The following CPNE8 variants were observed in gnomAD, a reference collection of about 807,000 sequenced individuals.
CPNE8 encodes copine 8, also known as copine-8.
In CPNE8, 45 loss-of-function variants were observed where a neutral mutation model predicts 81.5. That is an observed-to-expected ratio of 0.55 (90% CI 0.44 to 0.71). The LOEUF (loss-of-function observed/expected upper bound fraction) is 0.71. Ranked by LOEUF, CPNE8 falls within the 30% of genes least tolerant of loss-of-function variation. The probability of loss-of-function intolerance (pLI) is 0.00; values close to 1 mark genes in which losing one functional copy is unlikely to be tolerated. For synonymous variants in CPNE8, 252 were observed against 226.3 expected (o/e 1.11, Z -1.02); for missense variants, 594 against 672.1 (o/e 0.88, Z 1.28).
intron 6 of CPNE8, among the ~76,000 whole-genome samples, chr12:38,786,711 G>T (rs1942195932): frequency 6.6e-6 from 1 of 152,126 alleles, no homozygotes; most frequent in African/African-American, 2.4e-5. Flanking sequence ...AGACAAAATA[G>T]GTTTCAAGAC....
chr12:38,874,103 A>G (rs1382541772), intron 2 of CPNE8, among the ~76,000 whole-genome samples: 1 of 151,090 alleles, frequency 6.6e-6, no homozygotes, highest in Non-Finnish European at 1.5e-5. Context: ...CCCGACCACC[A>G]CTTTCATTTA....
At chr12:38,855,829 C>A (rs375904077) in intron 3 of CPNE8, among the ~76,000 whole-genome samples, 12 of 151,868 alleles carry the variant, frequency 7.9e-5, no homozygotes, top group African/African-American at 2.7e-4. Context: ...CATTGTATCC[C>A]ATAAATATAT....
intron 13 of CPNE8, among the ~76,000 whole-genome samples, chr12:38,717,104 G>A (rs1358515827): frequency 2.0e-5 from 3 of 151,934 alleles, no homozygotes; most frequent in Admixed American, 2.0e-4. Context: ...CCTTATTCCT[G>A]CAAGAACAGC....
At chr12:38,710,716 T>C (rs942830391) in intron 13 of CPNE8, among the ~76,000 whole-genome samples, 2 of 152,156 alleles carry the variant, frequency 1.3e-5, no homozygotes, top group African/African-American at 2.4e-5. Context: ...CTTCCCATAA[T>C]GTGGGTTAGT....
At chr12:38,837,297 G>A (rs899247899) in intron 5 of CPNE8, among the ~76,000 whole-genome samples, 4 of 152,094 alleles carry the variant, frequency 2.6e-5, no homozygotes, top group African/African-American at 9.7e-5. Context: ...CTGTGTTGAT[G>A]AATTATTCTC....
chr12:38,831,856 G>A (rs1034102114), intron 5 of CPNE8, among the ~76,000 whole-genome samples: 3 of 152,160 alleles, frequency 2.0e-5, no homozygotes, highest in Non-Finnish European at 4.4e-5. Context: ...TCTTTTCTAA[G>A]GATAGTTATG....
intron 1 of CPNE8, among the ~76,000 whole-genome samples, chr12:38,884,403 T>G (rs1278176098): frequency 6.6e-6 from 1 of 152,216 alleles, no homozygotes; most frequent in Non-Finnish European, 1.5e-5. Context: ...CCAAATCATA[T>G]TCTATTGTAT....
intron 3 of CPNE8, among the ~76,000 whole-genome samples, chr12:38,854,438 C>T (rs1943696640): frequency 1.7e-5 from 2 of 117,176 alleles, no homozygotes; most frequent in South Asian, 5.2e-4. Flanking sequence ...ACTAACACAC[C>T]CTGATACCAA....
chr12:38,683,124 G>GT lies in CPNE8; in HGVS notation c.1271+2365dup, dbSNP rs762598318. Among the ~76,000 whole-genome samples, 27 of 152,148 alleles carry GT rather than the reference G, an allele frequency of 1.8e-4. No individual in the cohort carries two copies. In the East Asian group the frequency reaches 3.3e-3, roughly 19 times the overall value. ...TTACCTCATTAATATTACCTAAAAAGTCAAACAGATCAGAGATACATAGAT... is the reference window on the plus strand; with the variant it reads ...TTACCTCATTAATATTACCTAAAAAGTTCAAACAGATCAGAGATACATAGAT... On this transcript the variant is annotated intron_variant, in intron 16 of 19. Coordinates refer to ENST00000331366, the MANE Select transcript of CPNE8 (RefSeq NM_153634.3).
At chr12:38,794,197 T>G (rs922586091) in intron 6 of CPNE8, among the ~76,000 whole-genome samples, 1 of 152,002 alleles carries the variant, frequency 6.6e-6, no homozygotes, top group Non-Finnish European at 1.5e-5. Flanking sequence ...AATAGACAAA[T>G]GGGGCCTGCA....
chr12:38,674,961 A>T (rs923200), intron 18 of CPNE8, among the ~76,000 whole-genome samples: 1 of 152,034 alleles, frequency 6.6e-6, no homozygotes, highest in Non-Finnish European at 1.5e-5. Flanking sequence ...CACCTGAACC[A>T]GGTGAATATT....
intron 15 of CPNE8, among the ~76,000 whole-genome samples, chr12:38,690,393 A>G (rs576726029): frequency 6.6e-6 from 1 of 152,292 alleles, no homozygotes; most frequent in Non-Finnish European, 1.5e-5. Context: ...ATCCAACAAA[A>G]CAGAAGTGCT....
chr12:38,769,154 C>T (rs922398550), intron 7 of CPNE8, among the ~76,000 whole-genome samples: 2 of 152,162 alleles, frequency 1.3e-5, no homozygotes, highest in Non-Finnish European at 2.9e-5. Context: ...ATGAACAAGG[C>T]AGTATCTACC....
chr12:38,850,958 G>A (rs1278571192), intron 3 of CPNE8, among the ~76,000 whole-genome samples: 1 of 152,190 alleles, frequency 6.6e-6, no homozygotes, highest in African/African-American at 2.4e-5. Flanking sequence ...ATTAGGCCAT[G>A]AGGGCACCTT....
chr12:38,875,592 T>C (rs1944054301), intron 1 of CPNE8, among the ~76,000 whole-genome samples: 1 of 152,202 alleles, frequency 6.6e-6, no homozygotes, highest in Non-Finnish European at 1.5e-5. Context: ...AGTCCCTTTT[T>C]CATATAAATC....
At chr12:38,675,033 C>T (rs950079163) in intron 18 of CPNE8, among the ~76,000 whole-genome samples, 3 of 152,188 alleles carry the variant, frequency 2.0e-5, no homozygotes, top group African/African-American at 4.8e-5. Flanking sequence ...CAGATGACTA[C>T]GAACATTTAC....
intron 10 of CPNE8, among the ~76,000 whole-genome samples, chr12:38,755,933 G>C (rs1401661732): frequency 2.0e-5 from 3 of 149,650 alleles, no homozygotes; most frequent in Non-Finnish European, 3.0e-5. Flanking sequence ...CCAGCTACTC[G>C]GGAGGCTGAG....
chr12:38,786,310 A>G (rs1432700998), intron 6 of CPNE8, among the ~76,000 whole-genome samples: 3 of 152,172 alleles, frequency 2.0e-5, no homozygotes, highest in Non-Finnish European at 2.9e-5. Context: ...GTGCTGCCAA[A>G]AGAGATTAAC....
intron 6 of CPNE8, among the ~76,000 whole-genome samples, chr12:38,808,571 A>G (rs1378731912): frequency 7.7e-6 from 1 of 129,284 alleles, no homozygotes; most frequent in African/African-American, 2.9e-5. Context: ...CATGGACACA[A>G]GAAGGGGAAC....
Sources: gnomAD v4.1 joint callset for allele counts (sites outside exome capture counted in the v4.1 genomes callset) on GRCh38, gnomAD v4.1.1 for gene constraint, MANE v1.5 for transcripts, NCBI Gene and HGNC (gene_info 2026-07-23, HGNC 2026-07-21) for gene names.